OGFRL1: variants seen among roughly 807,000 people sequenced by gnomAD.
OGFRL1 encodes opioid growth factor receptor like 1.
In OGFRL1, 26 loss-of-function variants were observed where a neutral mutation model predicts 32.4. The ratio of observed to expected loss-of-function variants is 0.80; its 90% CI spans 0.59 to 1.11. The LOEUF is 1.11. Ranked by LOEUF, OGFRL1 falls within the 50% of genes most tolerant of loss-of-function variation. OGFRL1 has a pLI of 0.00. For synonymous variants in OGFRL1, 211 were observed against 201.2 expected, an observed-to-expected ratio of 1.05 and a Z score of -0.41; for missense variants, 521 against 546.4, an observed-to-expected ratio of 0.95 and a Z score of 0.46.
Position 71,289,320 on chromosome 6 carries a change from G to T in OGFRL1, c.234+150G>T, listed in dbSNP as rs1042797727. The T allele has an allele frequency of 3.0e-6, 3 of 1,010,970 alleles. No individual in the cohort carries two copies. In the African/African-American group the frequency reaches 5.2e-5, roughly 18 times the overall value. The allele number at this position is 1,010,970 out of a possible 1,614,324, so 62.6% of individuals were successfully genotyped here. On this transcript the variant is annotated intron_variant, in intron 1 of 6. Transcript: ENST00000370435. ...GACCCCTCCGCGCCGCGGCTGACCT[G>T]TCTCCCGGTGGAGCCCGGGGGCCTG...
rs753738751 is a variant in OGFRL1 at position 71,293,270 on chromosome 6, C to T, written c.235-23C>T. 179 of 1,590,934 alleles carry T rather than the reference C, an allele frequency of 1.1e-4. 1 individual carries two copies. In the Admixed American group the frequency reaches 1.6e-3, roughly 14 times the overall value. ...AAATTATCTTGCGTCAACATGTAAA[C>T]GGAGTTTCACCTTTTATTTCAGGGT... On this transcript the variant is annotated intron_variant, in intron 1 of 6. Transcript: ENST00000370435.
chr6:71,294,295 G>T (rs962363325), intron 3 of OGFRL1, among the ~76,000 whole-genome samples: 3 of 152,074 alleles, frequency 2.0e-5, no homozygotes, highest in African/African-American at 7.2e-5. Context: ...GTGGTTCATG[G>T]TGGTCATCCT....
At chr6:71,299,973 T>C (rs1348214234) in intron 6 of OGFRL1, among the ~76,000 whole-genome samples, 2 of 152,224 alleles carry the variant, frequency 1.3e-5, no homozygotes, top group Non-Finnish European at 2.9e-5. Flanking sequence ...GTTTTTGTTT[T>C]GTCCAAAGAA....
At chr6:71,297,138 C>T (rs1307847344) in intron 6 of OGFRL1, among the ~76,000 whole-genome samples, 3 of 152,124 alleles carry the variant, frequency 2.0e-5, no homozygotes, top group Non-Finnish European at 2.9e-5. Context: ...ATTGTTATTG[C>T]TTGTGTACAA....
intron 1 of OGFRL1, chr6:71,291,796 A>G (rs1766059380): frequency 1.3e-5 from 2 of 152,198 alleles, no homozygotes; most frequent in South Asian, 4.1e-4. Flanking sequence ...CAGCGTTCAG[A>G]TTGCTAGTCT....
At chr6:71,299,615 C>T (rs960985004) in intron 6 of OGFRL1, among the ~76,000 whole-genome samples, 8 of 152,000 alleles carry the variant, frequency 5.3e-5, no homozygotes, top group Non-Finnish European at 7.4e-5. Flanking sequence ...AGAATTCTTC[C>T]ACCTTTTTAT....
rs1265981451 is a variant in OGFRL1, at chr6:71,302,249, A to ATCTTAAATAAGATTAAG, written c.*200_*201insTCTTAAATAAGATTAAG. On this transcript the variant is annotated 3_prime_UTR_variant, in exon 7 of 7. Coordinates refer to ENST00000370435, the MANE Select transcript of OGFRL1 (RefSeq NM_024576.5). ...AATAAGGAGATTTAAGATAAGACCC[A>ATCTTAAATAAGATTAAG]ATAAATGAATGTATTCTGTAATGCT... 6.1e-5 allele frequency: 25 copies of ATCTTAAATAAGATTAAG among 412,366 alleles called. No individual in the cohort carries two copies. The highest frequency in any genetic ancestry group is 1.0e-4 in the Non-Finnish European group (24 of 236,552). 25.5% of individuals were successfully genotyped at this position (412,366 alleles called of 1,614,324 possible).
rs1436585961 is a variant in OGFRL1, at chr6:71,303,262, A to G, written c.*1213A>G. 6.6e-6 allele frequency: 1 copy of G among 152,196 alleles called. No homozygotes were observed. Among genetic ancestry groups the G allele is most frequent in the East Asian group, 1.9e-4 (1 of 5,196 alleles). The allele number at this position is 152,196 out of a possible 1,614,324, so 9.4% of individuals were successfully genotyped here. A position where few individuals can be genotyped will look rare whatever the true frequency, so the allele number is the denominator to read the frequency against. ...ACATAAGGGACTTGAGCATTCCTAG[A>G]TTTTGGTAACTGCAGAGGGTCCTGG... On this transcript the variant is annotated 3_prime_UTR_variant, in exon 7 of 7. Transcript: ENST00000370435.
intron 6 of OGFRL1, among the ~76,000 whole-genome samples, chr6:71,300,496 G>T (rs536951088): frequency 6.6e-6 from 1 of 152,232 alleles, no homozygotes; most frequent in Admixed American, 6.5e-5. Flanking sequence ...ATCAGATAGG[G>T]AAAGAGGAGG....
At chr6:71,289,281 C>T (rs1264661347) in intron 1 of OGFRL1, 111 bp downstream of exon 1, 13 of 1,010,932 alleles carry the variant, frequency 1.3e-5, no homozygotes, top group Non-Finnish European at 1.4e-5. Flanking sequence ...GGTGGCTGCT[C>T]GCCGCTGCGA....
At chr6:71,289,548 T>TAAAAAAAAAAAAA (rs1158690810) in intron 1 of OGFRL1, 45 of 541,828 alleles carry the variant, frequency 8.3e-5, no homozygotes, top group African/African-American at 5.7e-4. Context: ...GTGTTATTGG[T>TAAAAAAAAAAAAA]AAAAAAAAAA....
chr6:71,298,792 A>G (rs1766293146), intron 6 of OGFRL1, among the ~76,000 whole-genome samples: 1 of 152,224 alleles, frequency 6.6e-6, no homozygotes, highest in African/African-American at 2.4e-5. Context: ...CAAATGATAG[A>G]GGATTCTATG....
chr6:71,302,068 A>C lies in OGFRL1; in HGVS notation c.*19A>C, dbSNP rs762505052. The C allele has an allele frequency of 3.3e-6, 5 of 1,493,018 alleles. No individual in the cohort carries two copies. The highest frequency in any genetic ancestry group is 4.4e-6 in the Non-Finnish European group (5 of 1,132,284). The allele number at this position is 1,493,018 out of a possible 1,614,324, so 92.5% of individuals were successfully genotyped here. On this transcript the variant is annotated 3_prime_UTR_variant, in exon 7 of 7. Transcript: ENST00000370435. ...ACAGTGAATTATCAGAAAACCCAGA[A>C]GCCAGTTTAGGCTAGAGAGGAAAAA...
At chr6:71,300,123 T>C (rs1397045037) in intron 6 of OGFRL1, among the ~76,000 whole-genome samples, 1 of 152,190 alleles carries the variant, frequency 6.6e-6, no homozygotes, top group Non-Finnish European at 1.5e-5. Context: ...CTAGGACAGG[T>C]ATATATAATG....
At chr6:71,289,930 T>C (rs1765995688) in intron 1 of OGFRL1, 1 of 541,624 alleles carries the variant, frequency 1.8e-6, no homozygotes, top group African/African-American at 2.1e-5. Flanking sequence ...GTGGTTCAGG[T>C]TTGCCGCTCC....
intron 6 of OGFRL1, among the ~76,000 whole-genome samples, chr6:71,300,830 T>A (rs547443340): frequency 1.2e-4 from 18 of 152,358 alleles, no homozygotes; most frequent in African/African-American, 3.6e-4. Context: ...AACTAAGCTC[T>A]GCTAAATAAG....
At chr6:71,295,678 C>T (rs1766181773) in intron 3 of OGFRL1, 1 of 152,208 alleles carries the variant, frequency 6.6e-6, no homozygotes, top group Non-Finnish European at 1.5e-5. Context: ...AATGTGCGCT[C>T]TGTGTAATAT....
chr6:71,301,827 C>G lies in OGFRL1; in HGVS notation c.1134C>G (p.Asp378Glu). ...VAPKEPVEET[D>E]RPSPEPSNEA... is the part of the protein sequence containing the mutation. ...CAAAAGAGCCTGTGGAAGAGACAGA[C>G]AGGCCCAGCCCAGAGCCCAGCAATG... is the stretch of plus-strand genomic sequence containing the variant. Residue 378 changes from aspartate to glutamate, a missense_variant, in exon 7 of 7, where the codon GAC becomes GAG. Asp to Glu is a conservative substitution (Grantham distance 45). Coordinates refer to ENST00000370435, the MANE Select transcript of OGFRL1 (RefSeq NM_024576.5). 1 of 1,612,968 alleles carries G rather than the reference C, an allele frequency of 6.2e-7. No individual in the cohort carries two copies. Among genetic ancestry groups the G allele is most frequent in the Non-Finnish European group, 8.5e-7 (1 of 1,179,730 alleles).
chr6:71,293,824 C>G (rs980895314), intron 3 of OGFRL1, among the ~76,000 whole-genome samples: 2 of 152,012 alleles, frequency 1.3e-5, no homozygotes, highest in East Asian at 3.9e-4. Context: ...ATTTTTGTGA[C>G]AGGAAGAGAG....
Sources: allele counts gnomAD v4.1 joint callset (sites outside exome capture counted in the v4.1 genomes callset), GRCh38; gene constraint gnomAD v4.1.1; transcripts MANE v1.5; gene names NCBI Gene and HGNC (gene_info 2026-07-23, HGNC 2026-07-21).